The following ANKRD28 variants were observed in gnomAD, a reference collection of about 807,000 sequenced individuals.
ANKRD28 encodes the protein serine/threonine-protein phosphatase 6 regulatory ankyrin repeat subunit A.
ANKRD28 carries 44 observed loss-of-function variants against 126.5 expected under a neutral mutation model. The observed-to-expected ratio is 0.35, with a 90% confidence interval of 0.27 to 0.45. The LOEUF (loss-of-function observed/expected upper bound fraction) is 0.45, where lower values mean the gene tolerates loss of function less well. ANKRD28 is among the 20% of genes least tolerant of loss of function. ANKRD28 has a pLI of 1.00. For synonymous variants in ANKRD28, 442 were observed against 468.5 expected, an observed-to-expected ratio of 0.94 and a Z score of 0.73; for missense variants, 1,110 against 1,316.6, an observed-to-expected ratio of 0.84 and a Z score of 2.43.
At chr3:15,694,682 A>G in intron 17 of ANKRD28, 57 bp downstream of exon 17, 4 of 1,452,766 alleles carry the variant, frequency 2.8e-6, no homozygotes, top group Admixed American at 1.7e-5. Context: ...CAAATAGGTT[A>G]TTAGATATTT....
intron 3 of ANKRD28, among the ~76,000 whole-genome samples, chr3:15,755,072 T>C (rs980692764): frequency 6.6e-6 from 1 of 152,028 alleles, no homozygotes; most frequent in South Asian, 2.1e-4. Flanking sequence ...GAGGTTGCAG[T>C]GAGCCTAGAC....
chr3:15,802,275 T>C (rs922441825), upstream of ANKRD28, among the ~76,000 whole-genome samples: 1 of 152,118 alleles, frequency 6.6e-6, no homozygotes, highest in Non-Finnish European at 1.5e-5. Context: ...ACAAGGACCA[T>C]AGTCTAGGGT....
chr3:15,810,715 T>TC (rs1371667459), intron 1 of ANKRD28, among the ~76,000 whole-genome samples: 2 of 150,338 alleles, frequency 1.3e-5, no homozygotes, highest in Admixed American at 1.3e-4. Flanking sequence ...TTTTTTTTTT[T>TC]CCCCTAAGTA....
intron 6 of ANKRD28, among the ~76,000 whole-genome samples, chr3:15,730,469 G>C (rs567079420): frequency 6.6e-6 from 1 of 152,120 alleles, no homozygotes; most frequent in Non-Finnish European, 1.5e-5. Context: ...GGGCTAATAA[G>C]GAAAACTGGG....
intron 2 of ANKRD28, among the ~76,000 whole-genome samples, chr3:15,785,907 A>T (rs953607588): frequency 6.6e-5 from 10 of 152,192 alleles, no homozygotes; most frequent in African/African-American, 2.4e-4. Context: ...AGAAATGTAA[A>T]TGCATACTGC....
upstream of ANKRD28, among the ~76,000 whole-genome samples, chr3:15,799,612 T>A (rs1163151335): frequency 6.6e-6 from 1 of 152,104 alleles, no homozygotes; most frequent in African/African-American, 2.4e-5. Flanking sequence ...GAAACAACTA[T>A]AGTAACAATA....
chr3:15,716,197 G>A (rs2073007713), intron 8 of ANKRD28, among the ~76,000 whole-genome samples: 1 of 150,464 alleles, frequency 6.6e-6, no homozygotes, highest in South Asian at 2.1e-4. Context: ...GGCCAGGCTT[G>A]TCTTGAACTC....
Position 15,708,150 on chromosome 3 carries a change from G to C in ANKRD28, c.1407-86C>G, listed in dbSNP as rs537796132. On this transcript the variant is annotated intron_variant, in intron 13 of 27. Coordinates refer to ENST00000683139, the MANE Select transcript of ANKRD28 (RefSeq NM_001349278.2). ...GCATAGTTGACTCTTACTCCTCCCAGTTACAAATACTTTATTTACAGTGAG... is the reference window on the plus strand; with the variant it reads ...GCATAGTTGACTCTTACTCCTCCCACTTACAAATACTTTATTTACAGTGAG... 9.1e-5 allele frequency: 129 copies of C among 1,413,118 alleles called. 3 individuals are homozygous for C. In the South Asian group the frequency reaches 1.4e-3, roughly 15 times the overall value. 87.5% of individuals were successfully genotyped at this position (1,413,118 alleles called of 1,614,324 possible). A position where few individuals can be genotyped will look rare whatever the true frequency, so the allele number is the denominator to read the frequency against.
Position 15,844,689 on chromosome 3 carries a change from A to G in ANKRD28, c.27+14688T>C, listed in dbSNP as rs546505168. Among the ~76,000 whole-genome samples, 4 of 152,336 alleles carry G rather than the reference A, an allele frequency of 2.6e-5. No individual in the cohort carries two copies. In the East Asian group the frequency reaches 5.8e-4, roughly 22 times the overall value. The stretch of plus-strand genomic sequence containing the variant: ...AATAATACACCAAGACATGTAAAAT[A>G]ATCTCCGTATTGATAATCTGTAATA... On this transcript the variant is annotated intron_variant, in intron 1 of 27. Transcript: ENST00000399451.
At chr3:15,829,863 A>G (rs565194204) in intron 1 of ANKRD28, among the ~76,000 whole-genome samples, 1 of 152,164 alleles carries the variant, frequency 6.6e-6, no homozygotes, top group African/African-American at 2.4e-5. Context: ...GAATATTTTC[A>G]ATAAAAGGTT....
chr3:15,856,387 C>T (rs2061767601), intron 1 of ANKRD28, among the ~76,000 whole-genome samples: 1 of 152,174 alleles, frequency 6.6e-6, no homozygotes, highest in Non-Finnish European at 1.5e-5. Context: ...AAACAATGAT[C>T]TTCTACCCTT....
chr3:15,667,357 T>G lies in ANKRD28; in HGVS notation c.*2913A>C, dbSNP rs952010524. ...AATGGCATTGTTTGAGATGAGTGTCTTGTTAAAGGAGGTCATTTGCTATTA... is the reference window on the plus strand; with the variant it reads ...AATGGCATTGTTTGAGATGAGTGTCGTGTTAAAGGAGGTCATTTGCTATTA... On this transcript the variant is annotated 3_prime_UTR_variant, in exon 28 of 28. Transcript: ENST00000683139. 1 of 152,260 alleles carries G rather than the reference T, an allele frequency of 6.6e-6. No individual in the cohort carries two copies. Among genetic ancestry groups the G allele is most frequent in the African/African-American group, 2.4e-5 (1 of 41,474 alleles). 9.4% of individuals were successfully genotyped at this position (152,260 alleles called of 1,614,324 possible). A position where few individuals can be genotyped will look rare whatever the true frequency, so the allele number is the denominator to read the frequency against.
chr3:15,796,614 TACAA>T lies in ANKRD28; in HGVS notation c.-97_-94del, dbSNP rs1427367488. ...TTTTCCTCCTCTTCTGTACAACACTTACAAACATTCTCTGAACAGCACAGCTGGG... is the reference window on the plus strand; with the variant it reads ...TTTTCCTCCTCTTCTGTACAACACTTACATTCTCTGAACAGCACAGCTGGG... On this transcript the variant is annotated 5_prime_UTR_variant, in exon 1 of 28. The change creates a premature stop within an existing upstream ORF in the 5' untranslated region. Coordinates refer to ENST00000683139, the MANE Select transcript of ANKRD28 (RefSeq NM_001349278.2). 8.2e-5 allele frequency: 91 copies of T among 1,110,696 alleles called. 1 individual carries two copies. In the Middle Eastern group the frequency reaches 8.4e-4, roughly 10 times the overall value. 68.8% of individuals were successfully genotyped at this position (1,110,696 alleles called of 1,614,324 possible).
At chr3:15,772,732 G>A (rs143726590) in intron 2 of ANKRD28, among the ~76,000 whole-genome samples, 2,522 of 152,140 alleles carry the variant, frequency 0.017, 67 homozygotes, top group African/African-American at 0.057. Context: ...TGTTGCCCAG[G>A]CTAGCGTGCA....
At chr3:15,761,845 C>G (rs2058472489) in intron 3 of ANKRD28, among the ~76,000 whole-genome samples, 1 of 151,958 alleles carries the variant, frequency 6.6e-6, no homozygotes, top group Non-Finnish European at 1.5e-5. Flanking sequence ...GAAGAAATAT[C>G]CACCAATCAA....
Position 15,812,957 on chromosome 3 carries a change from C to T in ANKRD28, c.28-17651G>A, listed in dbSNP as rs17041544. Among the ~76,000 whole-genome samples the T allele has an allele frequency of 0.041, 6,215 of 151,880 alleles. 416 individuals carry two copies. The highest frequency in any genetic ancestry group is 0.14 in the African/African-American group (5,761 of 41,366). ...AATTTGAAGAAAACAATCAGGTAAA[C>T]GGTGTGTTCCCAATAATCTACCCCT... On this transcript the variant is annotated intron_variant, in intron 1 of 27. Transcript: ENST00000399451. This position sits in a 1 kb window ranked among gnomAD's most constrained non-coding sequence, Gnocchi z 4.1.
chr3:15,809,950 T>C (rs1178239871), intron 1 of ANKRD28, among the ~76,000 whole-genome samples: 1 of 152,158 alleles, frequency 6.6e-6, no homozygotes, highest in Admixed American at 6.6e-5. Context: ...CTGTTTCCTC[T>C]GCCTAGCACA....
In ANKRD28 at chr3:15,742,773, G is replaced by A. The variant is rs1369770886; in HGVS notation, c.352-5540C>T. Among the ~76,000 whole-genome samples the A allele has an allele frequency of 1.0e-4, 14 of 135,576 alleles. No homozygotes were observed. In the East Asian group the frequency reaches 1.9e-3, roughly 18 times the overall value. The allele number at this position is 135,576 out of a possible 152,430, so 88.9% of individuals were successfully genotyped here. The stretch of plus-strand genomic sequence containing the variant: ...AGGTGAGGGGGTCAGCCCCCCGCCC[G>A]GCCAGCCACCCGGTCCGGGAGGTGA... On this transcript the variant is annotated intron_variant, in intron 4 of 27. Coordinates refer to ENST00000683139, the MANE Select transcript of ANKRD28 (RefSeq NM_001349278.2).
In ANKRD28 at chr3:15,815,798, A is replaced by G. The variant is rs2060820797; in HGVS notation, c.28-20492T>C. On this transcript the variant is annotated intron_variant, in intron 1 of 27. Coordinates refer to the ANKRD28 transcript ENST00000399451. The surrounding 1 kb of genome is among the most constrained non-coding windows in gnomAD (Gnocchi z 4.1). ...CTTCCCTTGTCAAAATTATTTATGA[A>G]CAAATCAACCTCATCAGAAAATATT... is the stretch of plus-strand genomic sequence containing the variant. Among the ~76,000 whole-genome samples, 1 of 152,228 alleles carries G rather than the reference A, an allele frequency of 6.6e-6. No individual in the cohort carries two copies.
Sources: allele counts gnomAD v4.1 joint callset (sites outside exome capture counted in the v4.1 genomes callset), GRCh38; gene constraint gnomAD v4.1.1; non-coding constraint Gnocchi (gnomAD v3.1); transcripts MANE v1.5; gene names NCBI Gene and HGNC (gene_info 2026-07-23, HGNC 2026-07-21).